ECD: variants seen among roughly 807,000 people sequenced by gnomAD.
The protein encoded by ECD is protein ecdysoneless homolog.
ECD carries 59 observed loss-of-function variants against 77.2 expected under a neutral mutation model. That is an observed-to-expected ratio of 0.76 (90% CI 0.62 to 0.95). The LOEUF (loss-of-function observed/expected upper bound fraction) is 0.95. Among genes scored for constraint, ECD ranks in the 40% least tolerant of loss-of-function variants. ECD has a pLI of 0.00. For synonymous variants in ECD, 233 were observed against 267.4 expected (o/e 0.87, Z 1.26); for missense variants, 704 against 763.4 (o/e 0.92, Z 0.92).
chr10:73,156,523 G>A, intron 4 of ECD, 45 bp downstream of exon 4: 1 of 1,611,878 alleles, frequency 6.2e-7, no homozygotes, highest in South Asian at 1.1e-5. Flanking sequence ...ATGTAATGCA[G>A]CATGATTTCA....
At chr10:73,142,881 C>A (rs1414676846) in intron 9 of ECD, among the ~76,000 whole-genome samples, 1 of 152,116 alleles carries the variant, frequency 6.6e-6, no homozygotes, top group Non-Finnish European at 1.5e-5. Flanking sequence ...TCATTCAGGT[C>A]TCTTTTCAAA....
rs1167726452 is a variant in ECD at position 73,156,675 on chromosome 10, A to G, written c.324-20T>C. 1.2e-6 allele frequency: 2 copies of G among 1,608,936 alleles called. No homozygotes were observed. Among genetic ancestry groups the G allele is most frequent in the Non-Finnish European group, 1.7e-6 (2 of 1,177,368 alleles). The stretch of plus-strand genomic sequence containing the variant: ...TCAATCCTAATGCAAGAAAATTTCC[A>G]ATTTTGCATTCAAAAAGCATATATC... On this transcript the variant is annotated intron_variant, in intron 3 of 13. Transcript: ENST00000372979.
chr10:73,163,591 A>C, intron 2 of ECD, 142 bp downstream of exon 2: 1 of 721,106 alleles, frequency 1.4e-6, no homozygotes, highest in East Asian at 2.7e-5. Flanking sequence ...CTAACTGAAT[A>C]TAGACAAGTA....
At chr10:73,155,846 C>T (rs1331533469) in intron 5 of ECD, among the ~76,000 whole-genome samples, 3 of 152,018 alleles carry the variant, frequency 2.0e-5, no homozygotes, top group Admixed American at 6.6e-5. Context: ...TCATGATCCG[C>T]CCCCTGCTCA....
intron 2 of ECD, among the ~76,000 whole-genome samples, 180 bp downstream of exon 2, chr10:73,163,553 T>C (rs1843408119): frequency 1.3e-5 from 2 of 152,212 alleles, no homozygotes; most frequent in African/African-American, 4.8e-5. Context: ...TTCATTAATA[T>C]GATTTTTTTT....
intron 2 of ECD, among the ~76,000 whole-genome samples, chr10:73,160,974 T>C (rs1479687416): frequency 6.6e-6 from 1 of 152,208 alleles, no homozygotes. Context: ...TTCAAACATG[T>C]GCACTATTCA....
chr10:73,163,852 T>C lies in ECD; in HGVS notation c.86A>G (p.Asp29Gly), dbSNP rs1843413363. ...CTTCTGAAGAATCTCTTTATGTTTA[T>C]CTGAGTCCCTTGACTCATCTGGTAT... Reference protein sequence around the residue: ...FLIPDESRDSDKHKEILQKYI... With the variant: ...FLIPDESRDSGKHKEILQKYI... The change falls in exon 2 of 14, where the codon GAT (aspartate) becomes GGT (glycine). Residue 29 changes from aspartate (D) to glycine (G), a missense_variant. Coordinates refer to ENST00000372979, the MANE Select transcript of ECD (RefSeq NM_007265.3). 3 of 1,614,084 alleles carry C rather than the reference T, an allele frequency of 1.9e-6. No individual in the cohort carries two copies. In the South Asian group the frequency reaches 3.3e-5, roughly 18 times the overall value.
chr10:73,157,141 T>C (rs1843307073), intron 3 of ECD, among the ~76,000 whole-genome samples: 1 of 151,790 alleles, frequency 6.6e-6, no homozygotes, highest in Non-Finnish European at 1.5e-5. Context: ...CCTCCACCTC[T>C]TGTTTTCAGG....
At chr10:73,135,405 T>C (rs978264231) in intron 13 of ECD, among the ~76,000 whole-genome samples, 1 of 152,106 alleles carries the variant, frequency 6.6e-6, no homozygotes, top group Non-Finnish European at 1.5e-5. Context: ...AGAGTCTCCA[T>C]CGCTTGGGGC....
In ECD at chr10:73,139,478, G is replaced by A; in HGVS notation, c.1252C>T (p.Leu418Phe). 1.2e-6 allele frequency: 2 copies of A among 1,613,732 alleles called. No homozygotes were observed. Among genetic ancestry groups the A allele is most frequent in the Non-Finnish European group, 1.7e-6 (2 of 1,179,918 alleles). Residue 418 changes from leucine (L) to phenylalanine (F), a missense_variant, in exon 11 of 14, where the codon CTC becomes TTC. Physicochemically the swap from Leu to Phe is conservative, Grantham distance 22. Coordinates refer to ENST00000372979, the MANE Select transcript of ECD (RefSeq NM_007265.3). ...AGCTGGTCCAGCTGATCTGGTGAGA[G>A]ATCTAACCACTGGTCATCTGAAAAA... ...PPEDDDQWLD[L>F]SPDQLDQLLQ...
In ECD at chr10:73,153,344, T is replaced by C. The variant is rs941390231; in HGVS notation, c.783+912A>G. Reference sequence around the variant, plus strand: ...GTGGGTTCAAGTGATCCACCTGCCTTGGCCACCCAAAGTGCTGGGATTACA... The same window carrying C: ...GTGGGTTCAAGTGATCCACCTGCCTCGGCCACCCAAAGTGCTGGGATTACA... On this transcript the variant is annotated intron_variant, in intron 6 of 13. Coordinates refer to ENST00000372979, the MANE Select transcript of ECD (RefSeq NM_007265.3). Among the ~76,000 whole-genome samples, 12 of 152,242 alleles carry C rather than the reference T, an allele frequency of 7.9e-5. No individual in the cohort carries two copies. In the South Asian group the frequency reaches 1.5e-3, roughly 18 times the overall value.
chr10:73,156,015 C>T (rs1843291088), intron 5 of ECD, among the ~76,000 whole-genome samples: 1 of 152,154 alleles, frequency 6.6e-6, no homozygotes, highest in Non-Finnish European at 1.5e-5. Flanking sequence ...AAGATTGTAA[C>T]ACTTCTGAAT....
chr10:73,164,983 T>C (rs1375303469), intron 1 of ECD, among the ~76,000 whole-genome samples: 8 of 152,178 alleles, frequency 5.3e-5, no homozygotes, highest in Admixed American at 5.2e-4. Flanking sequence ...GTAATATATT[T>C]CGAGAAACAC....
At position 73,136,786 on chromosome 10, in the gene ECD, T is replaced by G; in HGVS notation, c.1622A>C (p.Asn541Thr). The G allele has an allele frequency of 1.2e-6, 2 of 1,614,058 alleles. No homozygotes were observed. Among genetic ancestry groups the G allele is most frequent in the Non-Finnish European group, 1.7e-6 (2 of 1,179,980 alleles). Residue 541 changes from asparagine to threonine, a missense_variant, in exon 13 of 14, where the codon AAT (asparagine) becomes ACT (threonine). Physicochemically the swap from Asn to Thr is moderately conservative, Grantham distance 65. This residue lies in a region of ECD where 142 missense variants were observed against 163.6 expected (regional missense o/e 0.87). Transcript: ENST00000372979. Reference sequence around the variant, plus strand: ...CATCTGGGCCATGTATGACTTGAGATTATCAAGTGTTCCTTTCAGGGAAGC... The same window carrying G: ...CATCTGGGCCATGTATGACTTGAGAGTATCAAGTGTTCCTTTCAGGGAAGC... The part of the protein sequence containing the change: ...EEASLKGTLD[N>T]LKSYMAQMDQ...
chr10:73,147,244 C>T (rs1248270497), intron 8 of ECD, among the ~76,000 whole-genome samples: 1 of 148,526 alleles, frequency 6.7e-6, no homozygotes, highest in Non-Finnish European at 1.5e-5. Flanking sequence ...CCCTATACAA[C>T]AACAATAACA....
At position 73,159,642 on chromosome 10, in the gene ECD, A is replaced by ATTTTTTTTTT. The variant is rs1169258127; in HGVS notation, c.323+782_323+791dup. Among the ~76,000 whole-genome samples the ATTTTTTTTTT allele has an allele frequency of 1.4e-3, 173 of 123,576 alleles. 6 individuals are homozygous for ATTTTTTTTTT. The highest frequency in any genetic ancestry group is 5.2e-3 in the African/African-American group (158 of 30,566). 81.1% of individuals were successfully genotyped at this position (123,576 alleles called of 152,430 possible). A position where few individuals can be genotyped will look rare whatever the true frequency, so the allele number is the denominator to read the frequency against. ...AGTTGAACTCTTTGACAGTACTTTA[A>ATTTTTTTTTT]TTTTTTTTTTTTTTTTTTTTGAGAC... On this transcript the variant is annotated intron_variant, in intron 3 of 13. Transcript: ENST00000372979.
chr10:73,148,171 T>C, intron 8 of ECD, 105 bp downstream of exon 8: 1 of 1,404,496 alleles, frequency 7.1e-7, no homozygotes. Flanking sequence ...AAGTCTAGCT[T>C]CCATAATTAT....
At position 73,148,264 on chromosome 10, in the gene ECD, T is replaced by C. The variant is rs770178178; in HGVS notation, c.1041+12A>G. 5.0e-6 allele frequency: 8 copies of C among 1,612,872 alleles called. No individual in the cohort carries two copies. The highest frequency in any genetic ancestry group is 5.9e-6 in the Non-Finnish European group (7 of 1,179,358). Reference sequence around the variant, plus strand: ...ATTGAATACTTAAAAGCAAATATATTGCAAGTCCTACCTTAAAGTAATCAT... The same window carrying C: ...ATTGAATACTTAAAAGCAAATATATCGCAAGTCCTACCTTAAAGTAATCAT... On this transcript the variant is annotated intron_variant, in intron 8 of 13. Transcript: ENST00000372979.
intron 5 of ECD, among the ~76,000 whole-genome samples, chr10:73,154,670 C>T (rs1483358693): frequency 6.6e-6 from 1 of 152,038 alleles, no homozygotes; most frequent in Admixed American, 6.6e-5. Context: ...ATTATTGTAG[C>T]TCTATAAAAA....
Sources: gnomAD v4.1 joint callset for allele counts (sites outside exome capture counted in the v4.1 genomes callset) on GRCh38, gnomAD v4.1.1 for gene constraint, gnomAD v4.1.1 regional missense constraint, MANE v1.5 for transcripts, NCBI Gene and HGNC (gene_info 2026-07-23, HGNC 2026-07-21) for gene names.